NFIL3: variants seen among roughly 807,000 people sequenced by gnomAD.
The protein encoded by NFIL3 is nuclear factor, interleukin 3 regulated, also known as nuclear factor interleukin-3-regulated protein.
Under a neutral mutation model 10.0 loss-of-function variants are expected in NFIL3, and 5 were observed. That is an observed-to-expected ratio of 0.50 (90% confidence interval 0.26 to 1.06). NFIL3 has a LOEUF of 1.06. Ranked by LOEUF, NFIL3 falls within the 50% of genes least tolerant of loss-of-function variation. The pLI, the probability that NFIL3 is intolerant of heterozygous loss-of-function variation, is 0.13. For missense variants in NFIL3, 436 were observed against 547.6 expected (o/e 0.80, Z 2.03); for synonymous variants, 202 against 206.5 (o/e 0.98, Z 0.19).
chr9:91,421,902 C>T (rs968136489), intron 1 of NFIL3, among the ~76,000 whole-genome samples: 2 of 152,156 alleles, frequency 1.3e-5, no homozygotes, highest in South Asian at 4.1e-4. Flanking sequence ...CACTATGTAA[C>T]AGTCCAGGAA....
the NFIL3 span, among the ~76,000 whole-genome samples, chr9:91,436,864 T>G: frequency 6.6e-6 from 1 of 152,172 alleles, no homozygotes; most frequent in Non-Finnish European, 1.5e-5. Flanking sequence ...ACTGACACTA[T>G]CCCCTAAATC....
Position 91,410,976 on chromosome 9 carries a change from G to A in NFIL3, c.-172-70C>T, listed in dbSNP as rs16907469. Reference sequence around the variant, plus strand: ...ATGTTTATTACAAATTATGTACAAGGAAATATGCTAAGCATTTAGGGCATA... The same window carrying A: ...ATGTTTATTACAAATTATGTACAAGAAAATATGCTAAGCATTTAGGGCATA... On this transcript the variant is annotated intron_variant, in intron 1 of 1. Coordinates refer to ENST00000297689, the MANE Select transcript of NFIL3 (RefSeq NM_005384.3). The surrounding 1 kb of genome is among the most constrained non-coding windows in gnomAD (Gnocchi z 5.7). The A allele has an allele frequency of 0.013, 6,219 of 483,010 alleles. 400 individuals carry two copies. The East Asian group carries it at 0.14, about 11-fold the overall frequency. 29.9% of individuals were successfully genotyped at this position (483,010 alleles called of 1,614,324 possible). A position where few individuals can be genotyped will look rare whatever the true frequency, so the allele number is the denominator to read the frequency against.
the NFIL3 span, among the ~76,000 whole-genome samples, chr9:91,470,114 T>A: frequency 6.6e-6 from 1 of 152,196 alleles, no homozygotes; most frequent in Non-Finnish European, 1.5e-5. Context: ...TAGTACCAGC[T>A]CCTTTTTGTA....
the NFIL3 span, among the ~76,000 whole-genome samples, chr9:91,453,939 A>G: frequency 6.6e-6 from 1 of 151,998 alleles, no homozygotes; most frequent in Non-Finnish European, 1.5e-5. Flanking sequence ...CAATTAAAGA[A>G]CATCACAACT....
chr9:91,448,859 T>C, the NFIL3 span, among the ~76,000 whole-genome samples: 4 of 152,314 alleles, frequency 2.6e-5, no homozygotes, highest in African/African-American at 7.2e-5. Flanking sequence ...TTAAGTCTTC[T>C]TTTTAATGGG....
the NFIL3 span, among the ~76,000 whole-genome samples, chr9:91,470,849 C>G: frequency 6.6e-6 from 1 of 152,162 alleles, no homozygotes; most frequent in Non-Finnish European, 1.5e-5. Context: ...TTTCTCAATC[C>G]TGAGTTCTAG....
At chr9:91,415,197 G>T (rs1023376140) in intron 1 of NFIL3, among the ~76,000 whole-genome samples, 1 of 152,140 alleles carries the variant, frequency 6.6e-6, no homozygotes, top group Non-Finnish European at 1.5e-5. Flanking sequence ...GAGCAGAGGG[G>T]AACCAGGTGT....
chr9:91,451,805 C>T, the NFIL3 span, among the ~76,000 whole-genome samples: 35 of 152,290 alleles, frequency 2.3e-4, no homozygotes, highest in East Asian at 4.2e-3. Context: ...AGGATATCCA[C>T]GCACATGACC....
chr9:91,463,137 G>A, the NFIL3 span, among the ~76,000 whole-genome samples: 1 of 151,686 alleles, frequency 6.6e-6, no homozygotes, highest in Non-Finnish European at 1.5e-5. Context: ...CAAAGAACCA[G>A]CTTTTGGTTT....
At chr9:91,476,212 C>T in the NFIL3 span, among the ~76,000 whole-genome samples, 4 of 152,194 alleles carry the variant, frequency 2.6e-5, no homozygotes, top group African/African-American at 9.6e-5. Context: ...ACCCATACCT[C>T]AATTCAGTGC....
At chr9:91,483,042 G>T in the NFIL3 span, among the ~76,000 whole-genome samples, 1 of 152,138 alleles carries the variant, frequency 6.6e-6, no homozygotes, top group South Asian at 2.1e-4. Context: ...CCAACTTCCA[G>T]TTCCTGGTCT....
At chr9:91,453,221 C>T in the NFIL3 span, among the ~76,000 whole-genome samples, 1 of 151,968 alleles carries the variant, frequency 6.6e-6, no homozygotes, top group Non-Finnish European at 1.5e-5. Flanking sequence ...TGAATATCCT[C>T]TTCTTATAGG....
At chr9:91,456,089 G>T in the NFIL3 span, among the ~76,000 whole-genome samples, 23 of 152,222 alleles carry the variant, frequency 1.5e-4, no homozygotes, top group African/African-American at 5.5e-4. Flanking sequence ...TCCATTCATG[G>T]TGTTGTATAT....
upstream of NFIL3, among the ~76,000 whole-genome samples, chr9:91,424,300 G>A (rs971322057): frequency 1.3e-5 from 2 of 152,186 alleles, no homozygotes; most frequent in South Asian, 4.1e-4. Flanking sequence ...GAGAGCCGCA[G>A]CCTGCTGGGC....
In NFIL3 at chr9:91,410,787, G is replaced by A; in HGVS notation, c.-53C>T. The A allele has an allele frequency of 2.0e-6, 3 of 1,476,080 alleles. No homozygotes were observed. Among genetic ancestry groups the A allele is most frequent in the East Asian group, 4.6e-5 (2 of 43,228 alleles). 91.4% of individuals were successfully genotyped at this position (1,476,080 alleles called of 1,614,324 possible). ...TGTAGGAGAACAAATTAATTTCCCC[G>A]TATTCTCAAGCTCTTTAAAAACTCT... On this transcript the variant is annotated 5_prime_UTR_variant, in exon 2 of 2. It adds an upstream start codon to the 5' untranslated region. Transcript: ENST00000297689. The surrounding 1 kb of genome is among the most constrained non-coding windows in gnomAD (Gnocchi z 5.7).
the NFIL3 span, among the ~76,000 whole-genome samples, chr9:91,429,384 A>G: frequency 1.3e-5 from 2 of 152,172 alleles, no homozygotes; most frequent in African/African-American, 4.8e-5. Flanking sequence ...ACATGCCACC[A>G]GCATATATTG....
chr9:91,476,580 A>G, the NFIL3 span, among the ~76,000 whole-genome samples: 1 of 152,192 alleles, frequency 6.6e-6, no homozygotes. Flanking sequence ...CTAAAAAAAA[A>G]AAAAACAATG....
At chr9:91,456,574 A>G in the NFIL3 span, among the ~76,000 whole-genome samples, 1 of 152,038 alleles carries the variant, frequency 6.6e-6, no homozygotes, top group South Asian at 2.1e-4. Flanking sequence ...TCAATATTAC[A>G]TTTTTAGAGT....
the NFIL3 span, among the ~76,000 whole-genome samples, chr9:91,433,021 CATT>C: frequency 3.8e-3 from 580 of 152,060 alleles, 6 homozygotes; most frequent in African/African-American, 0.013. Context: ...ACAGGAAACT[CATT>C]ATTATTTGAC....
Sources: allele counts gnomAD v4.1 joint callset (sites outside exome capture counted in the v4.1 genomes callset), GRCh38; gene constraint gnomAD v4.1.1; non-coding constraint Gnocchi (gnomAD v3.1); transcripts MANE v1.5; gene names NCBI Gene and HGNC (gene_info 2026-07-23, HGNC 2026-07-21).